The following CAMK1D variants were observed in gnomAD, a reference collection of about 807,000 sequenced individuals.
CAMK1D encodes the protein calcium/calmodulin-dependent protein kinase type 1D.
In CAMK1D, 9 loss-of-function variants were observed where a neutral mutation model predicts 47.7. The observed-to-expected ratio is 0.19, with a 90% CI of 0.11 to 0.33. CAMK1D has a LOEUF of 0.33. Ranked by LOEUF, CAMK1D falls within the 10% of genes least tolerant of loss-of-function variation. The pLI is 1.00. For synonymous variants in CAMK1D, 184 were observed against 184.9 expected (o/e 0.99, Z 0.04); for missense variants, 291 against 488.7 (o/e 0.60, Z 3.81).
chr10:12,782,568 G>A (rs909565322), intron 5 of CAMK1D, among the ~76,000 whole-genome samples: 3 of 152,028 alleles, frequency 2.0e-5, no homozygotes, highest in South Asian at 2.1e-4. Context: ...TCTCTGATAC[G>A]CAGTGTCGCA....
intron 3 of CAMK1D, among the ~76,000 whole-genome samples, chr10:12,737,096 A>G (rs540145678): frequency 6.6e-6 from 1 of 152,230 alleles, no homozygotes; most frequent in African/African-American, 2.4e-5. Flanking sequence ...CAGGGGCTGG[A>G]CAGACACACA....
rs868851240 is a variant in CAMK1D, at chr10:12,822,312, C to T, written c.834-2153C>T. Among the ~76,000 whole-genome samples the T allele has an allele frequency of 8.5e-5, 13 of 152,306 alleles. No individual in the cohort carries two copies. In the South Asian group the frequency reaches 1.5e-3, roughly 17 times the overall value. ...CATGGCTGCACTGCTGCAGGAAGAC[C>T]GTGTAACACAGAGCCTGGGGGCCAC... is the stretch of plus-strand genomic sequence containing the variant. On this transcript the variant is annotated intron_variant, in intron 8 of 10. Transcript: ENST00000619168.
At chr10:12,710,724 A>T (rs1331890560) in intron 3 of CAMK1D, among the ~76,000 whole-genome samples, 1 of 151,918 alleles carries the variant, frequency 6.6e-6, no homozygotes, top group Non-Finnish European at 1.5e-5. Context: ...CAAGAGGGGG[A>T]GTGTGTAAAG....
At chr10:12,409,136 C>T (rs146710927) in intron 1 of CAMK1D, among the ~76,000 whole-genome samples, 5,439 of 152,228 alleles carry the variant, frequency 0.036, 146 homozygotes, top group Non-Finnish European at 0.048. Flanking sequence ...GTATTACAGG[C>T]GTGAGCCACT....
At chr10:12,415,398 C>T (rs1839809379) in intron 1 of CAMK1D, among the ~76,000 whole-genome samples, 1 of 151,592 alleles carries the variant, frequency 6.6e-6, no homozygotes, top group South Asian at 2.1e-4. Flanking sequence ...AAGCGATTCT[C>T]CTGCCTCAGC....
In CAMK1D at chr10:12,791,073, C is replaced by A. The variant is rs1406559850; in HGVS notation, c.566-85C>A. ...TCAGTTTTTATACTCACTGAAAGTT[C>A]AGGCCAAATAGCAGACCCCAAAAAC... is the stretch of plus-strand genomic sequence containing the variant. On this transcript the variant is annotated intron_variant, in intron 5 of 10. Coordinates refer to ENST00000619168, the MANE Select transcript of CAMK1D (RefSeq NM_153498.4). The A allele has an allele frequency of 4.9e-6, 6 of 1,219,004 alleles. No homozygotes were observed. In the Admixed American group the frequency reaches 1.1e-4, roughly 23 times the overall value. The allele number at this position is 1,219,004 out of a possible 1,614,324, so 75.5% of individuals were successfully genotyped here.
At chr10:12,448,827 TG>T (rs1832997536) in intron 1 of CAMK1D, among the ~76,000 whole-genome samples, 2 of 152,202 alleles carry the variant, frequency 1.3e-5, no homozygotes, top group African/African-American at 4.8e-5. Flanking sequence ...AAATGGAGTG[TG>T]ATCACAGGGG....
intron 1 of CAMK1D, among the ~76,000 whole-genome samples, chr10:12,456,803 A>G (rs992002434): frequency 7.2e-6 from 1 of 138,076 alleles, no homozygotes; most frequent in Admixed American, 7.4e-5. Context: ...CTACCTTTTT[A>G]TAGCACCTAA....
At chr10:12,816,055 C>T (rs1588961636) in intron 7 of CAMK1D, among the ~76,000 whole-genome samples, 195 bp from the exon 8 acceptor site, 1 of 152,174 alleles carries the variant, frequency 6.6e-6, no homozygotes, top group Non-Finnish European at 1.5e-5. Flanking sequence ...TGCTGGGCCA[C>T]CCTAGAGTGC....
In CAMK1D at chr10:12,649,213, C is replaced by G. The variant is rs528480463; in HGVS notation, c.225-17523C>G. ...GTGCTTTGCCAAGTTGGCGTACACA[C>G]TAACACAGAGAGGCAGTTTACACAG... On this transcript the variant is annotated intron_variant, in intron 2 of 10. Transcript: ENST00000619168. 2.0e-5 allele frequency among the ~76,000 whole-genome samples: 3 copies of G among 152,350 alleles called. No homozygotes were observed. The East Asian group carries it at 5.8e-4, about 29-fold the overall frequency.
At chr10:12,364,694 G>C (rs1340455987) in intron 1 of CAMK1D, among the ~76,000 whole-genome samples, 1 of 152,200 alleles carries the variant, frequency 6.6e-6, no homozygotes, top group African/African-American at 2.4e-5. Context: ...ATTGGAGTCA[G>C]TTGTGTGCTG....
intron 1 of CAMK1D, among the ~76,000 whole-genome samples, chr10:12,367,411 C>T (rs1432157235): frequency 5.9e-5 from 9 of 152,052 alleles, no homozygotes; most frequent in Admixed American, 6.6e-5. Flanking sequence ...GGGATGGTTT[C>T]AGGATGATTC....
At chr10:12,693,878 G>C (rs888403415) in intron 3 of CAMK1D, among the ~76,000 whole-genome samples, 1 of 116,320 alleles carries the variant, frequency 8.6e-6, no homozygotes, top group African/African-American at 3.3e-5. Flanking sequence ...GCAAGACCCT[G>C]TTTCTAAATA....
chr10:12,787,663 G>A (rs370241792), intron 5 of CAMK1D, among the ~76,000 whole-genome samples: 1 of 152,216 alleles, frequency 6.6e-6, no homozygotes, highest in East Asian at 1.9e-4. Flanking sequence ...CTGTTGCTTT[G>A]GGCTTCTTTC....
intron 1 of CAMK1D, among the ~76,000 whole-genome samples, chr10:12,390,483 T>C (rs1466589478): frequency 1.3e-5 from 2 of 152,218 alleles, no homozygotes; most frequent in Non-Finnish European, 2.9e-5. Context: ...TGTCACTATA[T>C]CTGTCTCTGC....
At chr10:12,805,758 G>A (rs943954493) in intron 6 of CAMK1D, among the ~76,000 whole-genome samples, 2 of 152,242 alleles carry the variant, frequency 1.3e-5, no homozygotes, top group African/African-American at 2.4e-5. Context: ...GAGAGGGACC[G>A]AGTCAGGTTG....
At chr10:12,542,716 G>C (rs1054207372) in intron 1 of CAMK1D, among the ~76,000 whole-genome samples, 1 of 152,164 alleles carries the variant, frequency 6.6e-6, no homozygotes, top group Admixed American at 6.5e-5. Flanking sequence ...TATGAGAAAA[G>C]AATTTATTTT....
chr10:12,615,362 T>C (rs564779420), intron 2 of CAMK1D, among the ~76,000 whole-genome samples: 189 of 152,344 alleles, frequency 1.2e-3, no homozygotes, highest in Non-Finnish European at 2.1e-3. Context: ...TTTACTCAAG[T>C]ATAGGTTCTG....
At chr10:12,631,054 T>A (rs942995886) in intron 2 of CAMK1D, among the ~76,000 whole-genome samples, 3 of 152,144 alleles carry the variant, frequency 2.0e-5, no homozygotes, top group Non-Finnish European at 2.9e-5. Flanking sequence ...GATTTAAGTG[T>A]TCAGAGATTG....
Sources: gnomAD v4.1 joint callset for allele counts (sites outside exome capture counted in the v4.1 genomes callset) on GRCh38, gnomAD v4.1.1 for gene constraint, MANE v1.5 for transcripts, NCBI Gene and HGNC (gene_info 2026-07-23, HGNC 2026-07-21) for gene names.